The following ELMO1 variants were observed in gnomAD, a reference collection of about 807,000 sequenced individuals.
ELMO1 encodes the protein engulfment and cell motility protein 1.
In ELMO1, 26 loss-of-function variants were observed where a neutral mutation model predicts 98.9. That is an observed-to-expected ratio of 0.26 (90% CI 0.19 to 0.36). The LOEUF is 0.36. Ranked by LOEUF, ELMO1 falls within the 10% of genes least tolerant of loss-of-function variation. The pLI, the probability that ELMO1 is intolerant of heterozygous loss-of-function variation, is 1.00. For missense variants in ELMO1, 627 were observed against 935.2 expected, an observed-to-expected ratio of 0.67 and a Z score of 4.30; for synonymous variants, 346 against 346.0, an observed-to-expected ratio of 1.00 and a Z score of 0.00.
intron 5 of ELMO1, among the ~76,000 whole-genome samples, chr7:37,262,583 C>T (rs762227094): frequency 1.2e-4 from 18 of 152,180 alleles, no homozygotes; most frequent in Middle Eastern, 3.2e-3. Context: ...TCCCTTGGTA[C>T]CCGTATCTAA....
At chr7:37,365,009 A>C (rs1173025524) in intron 1 of ELMO1, among the ~76,000 whole-genome samples, 1 of 152,208 alleles carries the variant, frequency 6.6e-6, no homozygotes, top group Admixed American at 6.5e-5. Context: ...GCTTTTATCA[A>C]ACAGAAAGCT....
chr7:36,985,987 G>A, intron 16 of ELMO1: 1 of 1,002,844 alleles, frequency 1.0e-6, no homozygotes, highest in Non-Finnish European at 1.2e-6. Context: ...CCACCACAAA[G>A]CGACTTAGAG....
intron 16 of ELMO1, among the ~76,000 whole-genome samples, chr7:36,984,007 A>G (rs1791301610): frequency 1.3e-5 from 2 of 151,840 alleles, no homozygotes; most frequent in African/African-American, 4.8e-5. Flanking sequence ...TGCTTCCATA[A>G]AAAGCTGGTT....
chr7:36,858,055 A>G (rs529025070), intron 21 of ELMO1, among the ~76,000 whole-genome samples: 1 of 152,304 alleles, frequency 6.6e-6, no homozygotes, highest in South Asian at 2.1e-4. Context: ...TAAAAGCATG[A>G]TTTCCTACTC....
chr7:37,421,758 C>CCAACAGACA lies in ELMO1; in HGVS notation c.-74+26908_-74+26916dup, dbSNP rs566576339. Among the ~76,000 whole-genome samples, 212 of 152,294 alleles carry CCAACAGACA rather than the reference C, an allele frequency of 1.4e-3. 1 individual carries two copies. Among genetic ancestry groups the CCAACAGACA allele is most frequent in the African/African-American group, 5.0e-3 (208 of 41,564 alleles). On this transcript the variant is annotated intron_variant, in intron 1 of 21. Transcript: ENST00000310758. ...TTGCAATGGATTTCTGAATATTCTTCCAACAGACAGGGATAAAAACAGCCA... is the reference window on the plus strand; with the variant it reads ...TTGCAATGGATTTCTGAATATTCTTCCAACAGACACAACAGACAGGGATAAAAACAGCCA...
At chr7:37,295,742 A>C (rs1797995260) in intron 4 of ELMO1, among the ~76,000 whole-genome samples, 1 of 152,212 alleles carries the variant, frequency 6.6e-6, no homozygotes, top group African/African-American at 2.4e-5. Context: ...TCAGAGCCCA[A>C]ATAGAGAAAG....
chr7:37,054,228 G>C (rs1279877597), intron 15 of ELMO1, among the ~76,000 whole-genome samples: 1 of 152,134 alleles, frequency 6.6e-6, no homozygotes, highest in Non-Finnish European at 1.5e-5. Context: ...CCCAGTATTT[G>C]TTACTTTCTC....
chr7:37,403,707 A>G (rs1045183726), intron 1 of ELMO1, among the ~76,000 whole-genome samples: 13 of 151,478 alleles, frequency 8.6e-5, no homozygotes, highest in African/African-American at 2.7e-4. Context: ...ACCACACCCA[A>G]CTATTTTTTT....
At chr7:36,881,434 C>G (rs540475414) in intron 18 of ELMO1, among the ~76,000 whole-genome samples, 3 of 152,322 alleles carry the variant, frequency 2.0e-5, no homozygotes, top group Non-Finnish European at 4.4e-5. Context: ...TTACTTGTTC[C>G]TTTATCCCTC....
chr7:36,870,510 C>T lies in ELMO1; in HGVS notation c.1823-35G>A, dbSNP rs1476430064. 1 of 1,601,456 alleles carries T rather than the reference C, an allele frequency of 6.2e-7. No individual in the cohort carries two copies. ...ATAAAAGAAAATGCAAGTAACTACA[C>T]CATGTGAAAACTTTGATGTCAATAA... On this transcript the variant is annotated intron_variant, in intron 19 of 21. Transcript: ENST00000310758. This position sits in a 1 kb window ranked among gnomAD's most constrained non-coding sequence, Gnocchi z 4.4.
chr7:37,069,097 C>T (rs1304900260), intron 15 of ELMO1, among the ~76,000 whole-genome samples: 1 of 152,142 alleles, frequency 6.6e-6, no homozygotes, highest in African/African-American at 2.4e-5. Context: ...GCAGCTGCTG[C>T]TCCCTGGGAG....
intron 16 of ELMO1, chr7:36,985,230 G>A (rs1278052909): frequency 2.2e-5 from 11 of 503,744 alleles, no homozygotes; most frequent in Non-Finnish European, 2.6e-5. Flanking sequence ...AACCCTCTCT[G>A]GTTTTTCAGG....
intron 15 of ELMO1, among the ~76,000 whole-genome samples, chr7:37,024,211 T>A (rs1175978339): frequency 2.0e-5 from 3 of 152,178 alleles, no homozygotes; most frequent in Admixed American, 6.5e-5. Flanking sequence ...TGAGTTTGGA[T>A]CCTGGCACTG....
intron 14 of ELMO1, among the ~76,000 whole-genome samples, chr7:37,124,981 A>G (rs1339212578): frequency 2.0e-5 from 3 of 152,168 alleles, no homozygotes; most frequent in Non-Finnish European, 2.9e-5. Context: ...AAATAATACC[A>G]CACTTCTACA....
chr7:36,947,955 G>A (rs1056111217), intron 16 of ELMO1, among the ~76,000 whole-genome samples: 46 of 152,160 alleles, frequency 3.0e-4, no homozygotes, highest in Non-Finnish European at 2.9e-5. Context: ...AATGAAGGTC[G>A]AGTTCAAGTG....
In ELMO1 at chr7:36,855,414, G is replaced by A. The variant is rs1802122759; in HGVS notation, c.*137C>T. 9.0e-7 allele frequency: 1 copy of A among 1,114,338 alleles called. No homozygotes were observed. Among genetic ancestry groups the A allele is most frequent in the East Asian group, 2.4e-5 (1 of 42,192 alleles). The allele number at this position is 1,114,338 out of a possible 1,614,324, so 69.0% of individuals were successfully genotyped here. A position where few individuals can be genotyped will look rare whatever the true frequency, so the allele number is the denominator to read the frequency against. On this transcript the variant is annotated 3_prime_UTR_variant, in exon 22 of 22. Transcript: ENST00000310758. This position sits in a 1 kb window ranked among gnomAD's most constrained non-coding sequence, Gnocchi z 4.2. ...GGGGCTGAAAGTTGCCAGGGCTAGA[G>A]GTGATGCTGAAGGGAATGTGGACCC... is the stretch of plus-strand genomic sequence containing the variant.
At chr7:37,404,913 C>T (rs1214942378) in intron 1 of ELMO1, among the ~76,000 whole-genome samples, 1 of 152,110 alleles carries the variant, frequency 6.6e-6, no homozygotes, top group Non-Finnish European at 1.5e-5. Flanking sequence ...CCTCTTTGTT[C>T]CCCCCATTTT....
At chr7:37,100,218 G>A (rs1376022315) in intron 14 of ELMO1, among the ~76,000 whole-genome samples, 1 of 152,200 alleles carries the variant, frequency 6.6e-6, no homozygotes, top group African/African-American at 2.4e-5. Flanking sequence ...CCTTGAAGTT[G>A]TCTATAAGCC....
intron 13 of ELMO1, among the ~76,000 whole-genome samples, chr7:37,185,956 C>T (rs892886427): frequency 1.3e-5 from 2 of 152,166 alleles, no homozygotes; most frequent in African/African-American, 2.4e-5. Context: ...GCGTAGAAAT[C>T]AACAAGACAA....
Sources: allele counts gnomAD v4.1 joint callset (sites outside exome capture counted in the v4.1 genomes callset), GRCh38; gene constraint gnomAD v4.1.1; non-coding constraint Gnocchi (gnomAD v3.1); transcripts MANE v1.5; gene names NCBI Gene and HGNC (gene_info 2026-07-23, HGNC 2026-07-21).